DOCK1: variants seen among roughly 807,000 people sequenced by gnomAD.
The protein encoded by DOCK1 is dedicator of cytokinesis 1.
In DOCK1, 138 loss-of-function variants were observed where a neutral mutation model predicts 262.7. That is an observed-to-expected ratio of 0.53 (90% confidence interval 0.46 to 0.61). The LOEUF (loss-of-function observed/expected upper bound fraction) is 0.61. Ranked by LOEUF, DOCK1 falls within the 20% of genes least tolerant of loss-of-function variation. The pLI is 0.00. For synonymous variants in DOCK1, 866 were observed against 867.4 expected, an observed-to-expected ratio of 1.00 and a Z score of 0.03; for missense variants, 1,908 against 2,370.7, an observed-to-expected ratio of 0.80 and a Z score of 4.05.
chr10:126,947,323 G>A (rs956223071), intron 1 of DOCK1, among the ~76,000 whole-genome samples: 613 of 134,048 alleles, frequency 4.6e-3, no homozygotes, highest in African/African-American at 0.012. Context: ...TGATGGTGGT[G>A]GTTGGTAGTA....
At position 127,040,837 on chromosome 10, in the gene DOCK1, T is replaced by G. The variant is rs142347219; in HGVS notation, c.2011-1788T>G. 2.8e-3 allele frequency among the ~76,000 whole-genome samples: 424 copies of G among 152,346 alleles called. 2 individuals are homozygous for G. Among genetic ancestry groups the G allele is most frequent in the African/African-American group, 9.0e-3 (373 of 41,586 alleles). On this transcript the variant is annotated intron_variant, in intron 19 of 51. Coordinates refer to ENST00000623213, the MANE Select transcript of DOCK1 (RefSeq NM_001290223.2). ...TACTCTGAAGTTTTTAGTGTCTTCA[T>G]GGAGTTGTACAACTATTACCACTGT...
chr10:127,061,916 T>A (rs1303218029), intron 23 of DOCK1, 140 bp downstream of exon 23: 4 of 598,526 alleles, frequency 6.7e-6, no homozygotes, highest in Non-Finnish European at 1.1e-5. Context: ...TCAATTTGAT[T>A]TCAAGAGCTG....
chr10:126,915,388 A>G lies in DOCK1; in HGVS notation c.46+9825A>G, dbSNP rs115925254. Reference sequence around the variant, plus strand: ...TTCTTCAGGGTATACCAAGCCCGAGAGCAGTGCTGCTTTCTCAATGTGTCT... The same window carrying G: ...TTCTTCAGGGTATACCAAGCCCGAGGGCAGTGCTGCTTTCTCAATGTGTCT... On this transcript the variant is annotated intron_variant, in intron 1 of 51. Transcript: ENST00000623213. Among the ~76,000 whole-genome samples the G allele has an allele frequency of 2.8e-3, 402 of 142,780 alleles. 1 individual carries two copies. Among genetic ancestry groups the G allele is most frequent in the African/African-American group, 1.0e-2 (388 of 38,830 alleles). 93.7% of individuals were successfully genotyped at this position (142,780 alleles called of 152,430 possible).
intron 29 of DOCK1, chr10:127,257,705 A>G: frequency 3.3e-6 from 1 of 304,806 alleles, no homozygotes; most frequent in Middle Eastern, 1.0e-3. Flanking sequence ...CATCATGGGC[A>G]CAGGGGTTCT....
chr10:127,384,138 A>C (rs911457221), intron 37 of DOCK1, among the ~76,000 whole-genome samples: 3 of 152,162 alleles, frequency 2.0e-5, no homozygotes, highest in Non-Finnish European at 4.4e-5. Context: ...CTTATACTTA[A>C]TGCCACTGAT....
At chr10:127,340,103 G>A (rs1370021045) in intron 30 of DOCK1, among the ~76,000 whole-genome samples, 3 of 151,800 alleles carry the variant, frequency 2.0e-5, no homozygotes, top group Non-Finnish European at 4.4e-5. Flanking sequence ...TGTTGTATTG[G>A]CATTACAGGA....
intron 29 of DOCK1, among the ~76,000 whole-genome samples, chr10:127,328,428 T>C (rs1329781463): frequency 2.6e-5 from 4 of 152,252 alleles, no homozygotes; most frequent in Admixed American, 6.5e-5. Context: ...TTTGTAAGGA[T>C]GCGTTGCTGG....
chr10:127,096,664 C>T (rs7076427), intron 23 of DOCK1, among the ~76,000 whole-genome samples: 3,504 of 151,598 alleles, frequency 0.023, 149 homozygotes, highest in African/African-American at 0.081. Flanking sequence ...TAATCATCAT[C>T]ATCAGTAATA....
chr10:127,089,268 C>T (rs1370344427), intron 23 of DOCK1, among the ~76,000 whole-genome samples: 3 of 152,144 alleles, frequency 2.0e-5, no homozygotes, highest in African/African-American at 2.4e-5. Flanking sequence ...TTGGTCTCTC[C>T]TGTGGACTTT....
At chr10:127,103,437 T>C (rs1056320100) in intron 23 of DOCK1, among the ~76,000 whole-genome samples, 2 of 152,126 alleles carry the variant, frequency 1.3e-5, no homozygotes. Flanking sequence ...CCTAAGTGGG[T>C]TGAAGAGCGT....
intron 12 of DOCK1, among the ~76,000 whole-genome samples, chr10:127,014,162 AC>A (rs1468966674): frequency 3.1e-4 from 47 of 150,936 alleles, no homozygotes; most frequent in Middle Eastern, 3.4e-3. Context: ...TTCACAAGAG[AC>A]AAAAATCCTG....
intron 27 of DOCK1, 37 bp from the exon 28 acceptor site, chr10:127,247,971 C>G: frequency 6.3e-7 from 1 of 1,596,848 alleles, no homozygotes; most frequent in South Asian, 1.1e-5. Context: ...GAGTGTTGCT[C>G]TGTCTCATCT....
intron 18 of DOCK1, among the ~76,000 whole-genome samples, chr10:127,032,902 A>G (rs535039015): frequency 3.3e-5 from 5 of 152,342 alleles, no homozygotes; most frequent in Non-Finnish European, 7.3e-5. Flanking sequence ...ACTTCTTAAA[A>G]TGATTTTTGG....
chr10:127,163,351 T>C (rs2053759574), intron 27 of DOCK1, among the ~76,000 whole-genome samples: 1 of 151,998 alleles, frequency 6.6e-6, no homozygotes, highest in East Asian at 1.9e-4. Context: ...TTTATCGCCA[T>C]GGAGTATACC....
At chr10:127,316,204 G>A (rs1590406979) in intron 29 of DOCK1, among the ~76,000 whole-genome samples, 1 of 152,228 alleles carries the variant, frequency 6.6e-6, no homozygotes, top group East Asian at 1.9e-4. Context: ...CAAATTTCCA[G>A]CATATGATAC....
intron 19 of DOCK1, among the ~76,000 whole-genome samples, chr10:127,040,179 G>A (rs758861335): frequency 1.3e-5 from 2 of 152,204 alleles, no homozygotes; most frequent in Non-Finnish European, 2.9e-5. Context: ...TTAGCAGATG[G>A]CATCAAGTTT....
intron 1 of DOCK1, among the ~76,000 whole-genome samples, chr10:126,959,577 T>C (rs2037029865): frequency 6.6e-6 from 1 of 152,206 alleles, no homozygotes; most frequent in East Asian, 1.9e-4. Flanking sequence ...CGTGCCAGGC[T>C]GCATCTTCCC....
intron 23 of DOCK1, among the ~76,000 whole-genome samples, chr10:127,094,663 A>G (rs9988689): frequency 0.14 from 21,914 of 152,084 alleles, 1,777 homozygotes; most frequent in African/African-American, 0.22. Flanking sequence ...TCCTGCACAC[A>G]CTTATCTTCT....
Position 127,252,255 on chromosome 10 carries a change from T to A in DOCK1, c.2949+4146T>A, listed in dbSNP as rs1401152539. ...GTTGTTTGTTTTTTTCTTTTAAATT[T>A]GTTTGAGTTCATTGTAGATTCTGGA... On this transcript the variant is annotated intron_variant, in intron 28 of 51. Transcript: ENST00000623213. 2.6e-3 allele frequency among the ~76,000 whole-genome samples: 383 copies of A among 147,802 alleles called. 1 individual carries two copies. The highest frequency in any genetic ancestry group is 8.8e-3 in the African/African-American group (362 of 41,068).
Sources: allele counts gnomAD v4.1 joint callset (sites outside exome capture counted in the v4.1 genomes callset), GRCh38; gene constraint gnomAD v4.1.1; transcripts MANE v1.5; gene names NCBI Gene and HGNC (gene_info 2026-07-23, HGNC 2026-07-21).